TRPM7: variants seen among roughly 807,000 people sequenced by gnomAD.
TRPM7 encodes the protein transient receptor potential cation channel subfamily M member 7.
TRPM7 carries 134 observed loss-of-function variants against 229.7 expected under a neutral mutation model. That is an observed-to-expected ratio of 0.58 (90% CI 0.51 to 0.67). TRPM7 has a LOEUF of 0.67. Among genes scored for constraint, TRPM7 ranks in the 30% least tolerant of loss-of-function variants. The pLI is 0.00. For missense variants in TRPM7, 1,901 were observed against 2,210.0 expected (o/e 0.86, Z 2.80); for synonymous variants, 699 against 715.2 (o/e 0.98, Z 0.36).
At position 50,634,393 on chromosome 15, in the gene TRPM7, T is replaced by G; in HGVS notation, c.996A>C (p.Thr332=). The part of the protein sequence containing the change: ...ADLLAYIHKQ[T]EEGGNLPDAA... ...TGTCATACACTTACCCTCCTTCTTC[T>G]GTTTGTTTATGAATATACGCTAGCA... Residue 332 remains threonine (T), a synonymous_variant, in exon 8 of 39, where the codon ACA becomes ACC. Transcript: ENST00000646667. The G allele has an allele frequency of 6.4e-7, 1 of 1,560,830 alleles. No individual in the cohort carries two copies. Among genetic ancestry groups the G allele is most frequent in the Non-Finnish European group, 8.6e-7 (1 of 1,159,330 alleles).
At chr15:50,603,238 A>G (rs1489106853) in intron 21 of TRPM7, among the ~76,000 whole-genome samples, 1 of 152,134 alleles carries the variant, frequency 6.6e-6, no homozygotes, top group East Asian at 1.9e-4. Flanking sequence ...AAACCTAAAA[A>G]TCTTGTTTTC....
intron 1 of TRPM7, among the ~76,000 whole-genome samples, chr15:50,672,636 G>A (rs1010003440): frequency 4.0e-5 from 6 of 151,730 alleles, no homozygotes; most frequent in Non-Finnish European, 8.8e-5. Context: ...GTAGCCAGGT[G>A]CGGTGGCTCA....
chr15:50,682,004 C>G (rs12909927), intron 1 of TRPM7, among the ~76,000 whole-genome samples: 20,763 of 151,538 alleles, frequency 0.14, 1,453 homozygotes, highest in Middle Eastern at 0.2. Context: ...ATGGGGAAAC[C>G]CTGTCTCTAC....
chr15:50,594,338 A>C (rs2059582962), intron 24 of TRPM7, 91 bp downstream of exon 24: 2 of 1,202,196 alleles, frequency 1.7e-6, no homozygotes, highest in Non-Finnish European at 2.3e-6. Context: ...TAATCCACTA[A>C]GTCATTTTTG....
At chr15:50,645,398 C>T (rs765793624) in intron 4 of TRPM7, among the ~76,000 whole-genome samples, 32 of 151,304 alleles carry the variant, frequency 2.1e-4, no homozygotes, top group Non-Finnish European at 3.4e-4. Context: ...CCCGCTCTGT[C>T]GCCCAGGCTG....
chr15:50,641,249 C>T (rs2061092903), intron 5 of TRPM7, among the ~76,000 whole-genome samples: 1 of 152,208 alleles, frequency 6.6e-6, no homozygotes, highest in Non-Finnish European at 1.5e-5. Flanking sequence ...ATGCGATGAA[C>T]TGCCTACTGC....
chr15:50,681,264 T>C (rs62017247), intron 1 of TRPM7, among the ~76,000 whole-genome samples: 12 of 146,906 alleles, frequency 8.2e-5, no homozygotes, highest in South Asian at 6.5e-4. Context: ...AATAAATAAA[T>C]ACACACACAC....
chr15:50,637,481 G>A lies in TRPM7; in HGVS notation c.773C>T (p.Ala258Val), dbSNP rs778966544. Residue 258 changes from alanine to valine, a missense_variant, in exon 7 of 39, where the codon GCG becomes GTG. Transcript: ENST00000646667. ...AAGTTCTCTTCTCAGTCTGACTTCC[G>A]CCCCATACTTTCCAACAGTGCCATC... is the stretch of plus-strand genomic sequence containing the variant. ...VDDGTVGKYGAEVRLRRELEK... is the reference protein window; with the variant it reads ...VDDGTVGKYGVEVRLRRELEK... The A allele has an allele frequency of 5.0e-6, 8 of 1,613,892 alleles. No individual in the cohort carries two copies. Among genetic ancestry groups the A allele is most frequent in the East Asian group, 4.5e-5 (2 of 44,854 alleles).
intron 1 of TRPM7, 48 bp from the exon 2 acceptor site, chr15:50,663,094 T>C (rs1251967200): frequency 1.1e-5 from 15 of 1,405,912 alleles, no homozygotes; most frequent in Non-Finnish European, 1.4e-5. Context: ...ACCCACTAAA[T>C]AAGAAGGAAA....
Position 50,593,736 on chromosome 15 carries a change from T to C in TRPM7, c.3489A>G (p.Thr1163=). The part of the protein sequence containing the change: ...KTSDGPKLFL[T]EEDQKKLHDF... The stretch of plus-strand genomic sequence containing the variant: ...CATGAAGTTTCTTTTGATCTTCTTC[T>C]GTTAAGAAAAGTTCTATGGGAGGAA... Residue 1163 remains threonine, a synonymous_variant, in exon 25 of 39, where the codon ACA becomes ACG. Coordinates refer to ENST00000646667, the MANE Select transcript of TRPM7 (RefSeq NM_017672.6). 2 of 1,608,628 alleles carry C rather than the reference T, an allele frequency of 1.2e-6. No homozygotes were observed. The highest frequency in any genetic ancestry group is 1.3e-5 in the African/African-American group (1 of 74,830).
At chr15:50,568,327 A>G (rs987851634) in intron 38 of TRPM7, among the ~76,000 whole-genome samples, 1 of 152,016 alleles carries the variant, frequency 6.6e-6, no homozygotes, top group Non-Finnish European at 1.5e-5. Flanking sequence ...CAAGAAAAAA[A>G]AAAAGATACA....
At chr15:50,588,174 T>C in intron 27 of TRPM7, 1 of 975,908 alleles carries the variant, frequency 1.0e-6, no homozygotes, top group Non-Finnish European at 1.2e-6. Context: ...CTTCTGCATA[T>C]ACTAAAGAGA....
intron 4 of TRPM7, among the ~76,000 whole-genome samples, chr15:50,645,854 C>T (rs952691265): frequency 4.6e-5 from 7 of 152,066 alleles, no homozygotes; most frequent in African/African-American, 1.7e-4. Flanking sequence ...ATAACACCTG[C>T]TTGAATACAT....
chr15:50,583,190 T>C, intron 28 of TRPM7, 31 bp from the exon 29 acceptor site: 2 of 1,533,972 alleles, frequency 1.3e-6, no homozygotes, highest in Non-Finnish European at 1.8e-6. Flanking sequence ...ATAAAAAAGC[T>C]ACACAACTGA....
intron 13 of TRPM7, among the ~76,000 whole-genome samples, chr15:50,618,682 T>C (rs571196020): frequency 1.3e-5 from 2 of 152,316 alleles, no homozygotes; most frequent in African/African-American, 4.8e-5. Context: ...GCATATGTTA[T>C]GTAGCGGTGA....
intron 2 of TRPM7, among the ~76,000 whole-genome samples, chr15:50,662,194 A>T (rs1378526266): frequency 1.3e-5 from 2 of 152,282 alleles, no homozygotes; most frequent in East Asian, 1.9e-4. Context: ...TCTACTAAAA[A>T]TACAAAAATT....
intron 20 of TRPM7, 116 bp downstream of exon 20, chr15:50,607,084 T>C (rs2059935857): frequency 1.1e-6 from 1 of 884,004 alleles, no homozygotes; most frequent in Non-Finnish European, 1.7e-6. Flanking sequence ...GTTCTACACT[T>C]CTACAATGTC....
chr15:50,643,088 A>G (rs2061151298), intron 5 of TRPM7, among the ~76,000 whole-genome samples: 1 of 152,170 alleles, frequency 6.6e-6, no homozygotes, highest in African/African-American at 2.4e-5. Context: ...CAGCAGTTCG[A>G]GACCAGCCTG....
chr15:50,602,981 A>T (rs1422776718), intron 21 of TRPM7, among the ~76,000 whole-genome samples: 1 of 152,222 alleles, frequency 6.6e-6, no homozygotes, highest in Non-Finnish European at 1.5e-5. Context: ...TAACCTGGTA[A>T]GCATAAGAGC....
Sources: gnomAD v4.1 joint callset for allele counts (sites outside exome capture counted in the v4.1 genomes callset) on GRCh38, gnomAD v4.1.1 for gene constraint, MANE v1.5 for transcripts, NCBI Gene and HGNC (gene_info 2026-07-23, HGNC 2026-07-21) for gene names.